The following EMC10 variants were observed in gnomAD, a reference collection of about 807,000 sequenced individuals.
The protein encoded by EMC10 is UPF0510 protein INM02.
A neutral mutation model predicts 32.2 loss-of-function variants in EMC10; 40 were observed. That is an observed-to-expected ratio of 1.24 (90% CI 0.96 to 1.61). EMC10 has a LOEUF of 1.61. EMC10 is among the 40% of genes most tolerant of loss of function. The probability of loss-of-function intolerance (pLI) is 0.00; values close to 1 mark genes in which losing one functional copy is unlikely to be tolerated. For missense variants in EMC10, 402 were observed against 357.7 expected (o/e 1.12, Z -1.00); for synonymous variants, 178 against 158.4 (o/e 1.12, Z -0.93).
intron 1 of EMC10, among the ~76,000 whole-genome samples, chr19:50,477,699 A>G (rs943584100): frequency 2.0e-5 from 3 of 152,212 alleles, no homozygotes; most frequent in African/African-American, 4.8e-5. Flanking sequence ...TGCTTTGGCA[A>G]TGAGGTTAGG....
rs760597116 is a variant in EMC10 at position 50,482,178 on chromosome 19, C to G, written c.708C>G (p.Phe236Leu). 5.6e-6 allele frequency: 9 copies of G among 1,599,328 alleles called. No homozygotes were observed. The highest frequency in any genetic ancestry group is 6.9e-6 in the Non-Finnish European group (8 of 1,167,486). The change falls in exon 7 of 7, where the codon TTC becomes TTG. Residue 236 changes from phenylalanine (F) to leucine (L), a missense_variant. Transcript: ENST00000334976. ...TGTACATCATTCCCGTCGTCCTGTT[C>G]CTCATGATGTCAGGAGCGCCAGACA... is the stretch of plus-strand genomic sequence containing the variant. ...YWMYIIPVVL[F>L]LMMSGAPDTG...
In EMC10 at chr19:50,482,166, C is replaced by G; in HGVS notation, c.696C>G (p.Pro232=). The change falls in exon 7 of 7, where the codon CCC becomes CCG. Residue 232 remains proline (P), a synonymous_variant. Coordinates refer to ENST00000334976, the MANE Select transcript of EMC10 (RefSeq NM_206538.4). The part of the protein sequence containing the change: ...FFAKYWMYII[P]VVLFLMMSGA... ...GGCTGCAGTGGATGTACATCATTCCCGTCGTCCTGTTCCTCATGATGTCAG... is the reference window on the plus strand; with the variant it reads ...GGCTGCAGTGGATGTACATCATTCCGGTCGTCCTGTTCCTCATGATGTCAG... The G allele has an allele frequency of 6.4e-7, 1 of 1,556,512 alleles. No homozygotes were observed. The highest frequency in any genetic ancestry group is 8.8e-7 in the Non-Finnish European group (1 of 1,139,150).
At chr19:50,478,252 A>T (rs1489578540) in intron 2 of EMC10, among the ~76,000 whole-genome samples, 5 of 152,216 alleles carry the variant, frequency 3.3e-5, no homozygotes, top group Admixed American at 2.6e-4. Context: ...TTTCCTGATC[A>T]GTCGCCACGT....
Position 50,490,239 on chromosome 19 carries a change from C to G in EMC10, c.*7980C>G, listed in dbSNP as rs1342496513. 1 of 152,146 alleles carries G rather than the reference C, an allele frequency of 6.6e-6. No homozygotes were observed. Among genetic ancestry groups the G allele is most frequent in the Non-Finnish European group, 1.5e-5 (1 of 68,052 alleles). The allele number at this position is 152,146 out of a possible 1,614,324, so 9.4% of individuals were successfully genotyped here. The stretch of plus-strand genomic sequence containing the variant: ...AAGCGATTCTCCTGCCTCAGCCTCC[C>G]AAGTAGCTGGGATTACAGGGGCCCG... On this transcript the variant is annotated 3_prime_UTR_variant, in exon 7 of 7. Transcript: ENST00000334976.
intron 2 of EMC10, 75 bp from the exon 3 acceptor site, chr19:50,478,882 C>A: frequency 1.7e-6 from 2 of 1,185,866 alleles, no homozygotes; most frequent in Non-Finnish European, 2.4e-6. Flanking sequence ...AAATTTGAAG[C>A]TGGACCTCCT....
chr19:50,482,210 G>A lies in EMC10; in HGVS notation c.740G>A (p.Gly247Asp). The A allele has an allele frequency of 2.4e-6, 2 of 849,516 alleles. No homozygotes were observed. The highest frequency in any genetic ancestry group is 3.6e-6 in the Non-Finnish European group (2 of 548,454). The allele number at this position is 849,516 out of a possible 1,614,324, so 52.6% of individuals were successfully genotyped here. ...LMMSGAPDTG[G>D]QGGGGGGGGG... Reference sequence around the variant, plus strand: ...ATGTCAGGAGCGCCAGACACCGGGGGCCAGGGTGGGGGTGGGGGTGGGGGT... The same window carrying A: ...ATGTCAGGAGCGCCAGACACCGGGGACCAGGGTGGGGGTGGGGGTGGGGGT... Residue 247 changes from glycine (G) to aspartate (D), a missense_variant, in exon 7 of 7, where the codon GGC becomes GAC. Gly to Asp is a moderately conservative substitution (Grantham distance 94). Coordinates refer to ENST00000334976, the MANE Select transcript of EMC10 (RefSeq NM_206538.4).
At chr19:50,481,478 G>A (rs1346182448) in intron 6 of EMC10, 3 of 265,960 alleles carry the variant, frequency 1.1e-5, no homozygotes, top group African/African-American at 6.8e-5. Flanking sequence ...CTGAGGCGTG[G>A]GGTGGGGAGG....
In EMC10 at chr19:50,480,148, T is replaced by A; in HGVS notation, c.335T>A (p.Ile112Asn). The A allele has an allele frequency of 6.2e-7, 1 of 1,613,474 alleles. No individual in the cohort carries two copies. The highest frequency in any genetic ancestry group is 1.1e-5 in the South Asian group (1 of 90,838). ...AALNGLYRVRIPRRPGALDGL... is the reference protein window; with the variant it reads ...AALNGLYRVRNPRRPGALDGL... ...CTGAATGGCCTGTACCGGGTCCGGA[T>A]CCCAAGGCGACCCGGGGCCCTGGAT... Residue 112 changes from isoleucine (I) to asparagine (N), a missense_variant, in exon 4 of 7, where the codon ATC becomes AAC. Coordinates refer to ENST00000334976, the MANE Select transcript of EMC10 (RefSeq NM_206538.4). The surrounding 1 kb of genome is among the most constrained non-coding windows in gnomAD (Gnocchi z 4.4).
At position 50,482,154 on chromosome 19, in the gene EMC10, G is replaced by A. The variant is rs771235473; in HGVS notation, c.684G>A (p.Met228Ile). The change falls in exon 7 of 7, where the codon ATG (methionine) becomes ATA (isoleucine). Residue 228 changes from methionine to isoleucine, a missense_variant. Physicochemically the swap from Met to Ile is conservative, Grantham distance 10. Transcript: ENST00000334976. Reference protein sequence around the residue: ...EQKSFFAKYWMYIIPVVLFLM... With the variant: ...EQKSFFAKYWIYIIPVVLFLM... The stretch of plus-strand genomic sequence containing the variant: ...ATCCTTCCGTCCGGCTGCAGTGGAT[G>A]TACATCATTCCCGTCGTCCTGTTCC... 8 of 1,558,680 alleles carry A rather than the reference G, an allele frequency of 5.1e-6. No individual in the cohort carries two copies. Among genetic ancestry groups the A allele is most frequent in the Admixed American group, 1.7e-5 (1 of 58,464 alleles).
Position 50,477,965 on chromosome 19 carries a change from A to G in EMC10, c.151A>G (p.Thr51Ala). 7 of 1,602,474 alleles carry G rather than the reference A, an allele frequency of 4.4e-6. No homozygotes were observed. Among genetic ancestry groups the G allele is most frequent in the Non-Finnish European group, 6.0e-6 (7 of 1,176,422 alleles). ...AEGREGEACGTVGLLLEHSFE... is the reference protein window; with the variant it reads ...AEGREGEACGAVGLLLEHSFE... ...AGGTCGAGAGGGCGAGGCCTGTGGC[A>G]CGGTGGGGCTGCTGCTGGAGCACTC... The change falls in exon 2 of 7, where the codon ACG (threonine) becomes GCG (alanine). Residue 51 changes from threonine (T) to alanine (A), a missense_variant. Thr to Ala is a moderately conservative substitution (Grantham distance 58). Transcript: ENST00000334976.
At chr19:50,476,776 G>C (rs892661388) in intron 1 of EMC10, 118 bp downstream of exon 1, 1 of 671,576 alleles carries the variant, frequency 1.5e-6, no homozygotes, top group Non-Finnish European at 2.4e-6. Context: ...AGAGGTGGGA[G>C]ATCCCTGGAA....
rs955104506 is a variant in EMC10, at chr19:50,483,249, A to G, written c.*990A>G. ...AAATTCACTGCTCACTTGATACGTT[A>G]TTCAGAAACCCAAGGAATGGCTGTC... On this transcript the variant is annotated 3_prime_UTR_variant, in exon 7 of 7. Transcript: ENST00000334976. 4 of 396,950 alleles carry G rather than the reference A, an allele frequency of 1.0e-5. No homozygotes were observed. Among genetic ancestry groups the G allele is most frequent in the African/African-American group, 6.2e-5 (3 of 48,622 alleles). The allele number at this position is 396,950 out of a possible 1,614,324, so 24.6% of individuals were successfully genotyped here. A position where few individuals can be genotyped will look rare whatever the true frequency, so the allele number is the denominator to read the frequency against.
At chr19:50,479,176 G>T in intron 3 of EMC10, 110 bp downstream of exon 3, 1 of 793,712 alleles carries the variant, frequency 1.3e-6, no homozygotes, top group Non-Finnish European at 2.0e-6. Flanking sequence ...GCCCAGGTGG[G>T]CTCCCAGCAC....
chr19:50,477,797 AAGC>A (rs1172536658), intron 1 of EMC10, 129 bp from the exon 2 acceptor site: 3 of 609,632 alleles, frequency 4.9e-6, no homozygotes, highest in African/African-American at 1.9e-5. Flanking sequence ...AAATAAAGGC[AAGC>A]AGCAGTGATT....
In EMC10 at chr19:50,478,949, C is replaced by T. The variant is rs2040273293; in HGVS notation, c.188-8C>T. The T allele has an allele frequency of 4.4e-6, 7 of 1,595,478 alleles. No homozygotes were observed. The highest frequency in any genetic ancestry group is 1.1e-5 in the South Asian group (1 of 87,882). On this transcript the variant is annotated splice_region_variant and splice_polypyrimidine_tract_variant and intron_variant, in intron 2 of 6. Coordinates refer to ENST00000334976, the MANE Select transcript of EMC10 (RefSeq NM_206538.4). ...GAGGGGGCGTCTCTGAACCTGAGCT[C>T]CTCACAGATGACAGTGCCAACTTCC...
At chr19:50,479,940 G>C (rs1220357842) in intron 3 of EMC10, among the ~76,000 whole-genome samples, 171 bp from the exon 4 acceptor site, 2 of 152,194 alleles carry the variant, frequency 1.3e-5, no homozygotes, top group African/African-American at 2.4e-5. Flanking sequence ...CACCAGCCGG[G>C]CCACCCCAAC....
In EMC10 at chr19:50,479,483, G is replaced by A. The variant is rs1379984465; in HGVS notation, c.297+417G>A. 2.0e-5 allele frequency among the ~76,000 whole-genome samples: 3 copies of A among 152,194 alleles called. No individual in the cohort carries two copies. The East Asian group carries it at 5.8e-4, about 29-fold the overall frequency. Reference sequence around the variant, plus strand: ...GCCCTGTGTTGTGGCAGCCTCAAGGGCCCAGCTCAATCCTCCGCAGGGGTC... The same window carrying A: ...GCCCTGTGTTGTGGCAGCCTCAAGGACCCAGCTCAATCCTCCGCAGGGGTC... On this transcript the variant is annotated intron_variant, in intron 3 of 6. Coordinates refer to ENST00000334976, the MANE Select transcript of EMC10 (RefSeq NM_206538.4).
intron 2 of EMC10, 122 bp from the exon 3 acceptor site, chr19:50,478,835 G>C: frequency 1.5e-6 from 1 of 684,842 alleles, no homozygotes; most frequent in Non-Finnish European, 2.6e-6. Flanking sequence ...GGCCCAGATG[G>C]GGAGGGAACC....
intron 2 of EMC10, 63 bp from the exon 3 acceptor site, chr19:50,478,894 G>GC (rs1178267645): frequency 1.6e-6 from 2 of 1,240,654 alleles, no homozygotes; most frequent in Non-Finnish European, 2.2e-6. Flanking sequence ...GGACCTCCTG[G>GC]CCCCTGCCTG....
Sources: allele counts gnomAD v4.1 joint callset (sites outside exome capture counted in the v4.1 genomes callset), GRCh38; gene constraint gnomAD v4.1.1; non-coding constraint Gnocchi (gnomAD v3.1); transcripts MANE v1.5; gene names NCBI Gene and HGNC (gene_info 2026-07-23, HGNC 2026-07-21).